Variants in KCNQ5 observed in about 807,000 individuals in gnomAD.
KCNQ5 encodes the protein potassium voltage-gated channel subfamily Q member 5, also known as potassium voltage-gated channel subfamily KQT member 5.
KCNQ5 carries 30 observed loss-of-function variants against 98.2 expected under a neutral mutation model. The ratio of observed to expected loss-of-function variants is 0.31; its 90% CI spans 0.23 to 0.41. The LOEUF (loss-of-function observed/expected upper bound fraction) is 0.41. KCNQ5 is among the 10% of genes least tolerant of loss of function. The pLI, the probability that KCNQ5 is intolerant of heterozygous loss-of-function variation, is 1.00. For missense variants in KCNQ5, 835 were observed against 1,182.5 expected, an observed-to-expected ratio of 0.71 and a Z score of 4.31; for synonymous variants, 458 against 449.4, an observed-to-expected ratio of 1.02 and a Z score of -0.24.
intron 2 of KCNQ5, among the ~76,000 whole-genome samples, chr6:73,009,338 A>T (rs1393430620): frequency 6.6e-6 from 1 of 152,156 alleles, no homozygotes; most frequent in Non-Finnish European, 1.5e-5. Context: ...AATAAGTCTT[A>T]GAAATTAATG....
intron 1 of KCNQ5, among the ~76,000 whole-genome samples, chr6:72,980,639 T>A (rs1768393151): frequency 6.6e-6 from 1 of 152,218 alleles, no homozygotes; most frequent in Admixed American, 6.5e-5. Context: ...TTTGACTTCC[T>A]CTTTTCCTAA....
intron 1 of KCNQ5, among the ~76,000 whole-genome samples, chr6:72,814,067 G>T (rs533682314): frequency 6.6e-6 from 1 of 152,188 alleles, no homozygotes; most frequent in Non-Finnish European, 1.5e-5. Context: ...GGGCAAGCAG[G>T]ACTTCTATGA....
intron 11 of KCNQ5, among the ~76,000 whole-genome samples, chr6:73,175,743 G>C (rs944502166): frequency 2.0e-5 from 3 of 152,190 alleles, no homozygotes; most frequent in Non-Finnish European, 2.9e-5. Flanking sequence ...AAAAAAGATG[G>C]ATCCCTGCTT....
At chr6:72,787,867 C>G (rs1023023128) in intron 1 of KCNQ5, among the ~76,000 whole-genome samples, 1 of 152,248 alleles carries the variant, frequency 6.6e-6, no homozygotes, top group Non-Finnish European at 1.5e-5. Flanking sequence ...GAGGGCCAAT[C>G]TGTCTCTCTA....
intron 2 of KCNQ5, among the ~76,000 whole-genome samples, chr6:73,038,393 A>G (rs1562141534): frequency 6.6e-6 from 1 of 152,018 alleles, no homozygotes; most frequent in Non-Finnish European, 1.5e-5. Context: ...AACTATTAAT[A>G]TAACTTACAA....
At chr6:72,791,902 C>T (rs1429142584) in intron 1 of KCNQ5, among the ~76,000 whole-genome samples, 1 of 152,194 alleles carries the variant, frequency 6.6e-6, no homozygotes, top group African/African-American at 2.4e-5. Flanking sequence ...GCCCCTATGA[C>T]TTAATCAACT....
chr6:73,028,282 T>C (rs534266395), intron 2 of KCNQ5, among the ~76,000 whole-genome samples: 1 of 152,246 alleles, frequency 6.6e-6, no homozygotes, highest in South Asian at 2.1e-4. Flanking sequence ...AGGCTACCTG[T>C]AGGGAGGTGT....
chr6:72,715,780 C>G (rs1353134201), intron 1 of KCNQ5, among the ~76,000 whole-genome samples: 1 of 152,054 alleles, frequency 6.6e-6, no homozygotes, highest in Non-Finnish European at 1.5e-5. Context: ...CTATGAAATT[C>G]TAATGATATT....
intron 1 of KCNQ5, among the ~76,000 whole-genome samples, chr6:72,949,988 T>C (rs1435257596): frequency 6.6e-6 from 1 of 152,184 alleles, no homozygotes; most frequent in Non-Finnish European, 1.5e-5. Context: ...AATCTTTTTA[T>C]TCAAAACTCT....
intron 11 of KCNQ5, among the ~76,000 whole-genome samples, chr6:73,177,143 A>C (rs1178201673): frequency 6.6e-6 from 1 of 152,072 alleles, no homozygotes; most frequent in Non-Finnish European, 1.5e-5. Flanking sequence ...AAGAAGATAA[A>C]GAGTGAGAAG....
intron 6 of KCNQ5, among the ~76,000 whole-genome samples, chr6:73,109,763 A>G (rs1485485952): frequency 1.1e-4 from 17 of 152,220 alleles, no homozygotes; most frequent in Admixed American, 1.1e-3. Flanking sequence ...ACAGTCACTG[A>G]AAAGGAGAGA....
chr6:72,775,603 A>G (rs1363406477), intron 1 of KCNQ5, among the ~76,000 whole-genome samples: 1 of 152,082 alleles, frequency 6.6e-6, no homozygotes, highest in Non-Finnish European at 1.5e-5. Flanking sequence ...ACAGTGGAGA[A>G]GGCTGGCAAA....
At chr6:73,026,531 C>G (rs73535910) in intron 2 of KCNQ5, among the ~76,000 whole-genome samples, 1 of 152,088 alleles carries the variant, frequency 6.6e-6, no homozygotes, top group South Asian at 2.1e-4. Context: ...CACCTTCATC[C>G]TCTTTTATCA....
chr6:72,922,814 T>TTCTTTTTC (rs1402505317), intron 1 of KCNQ5, among the ~76,000 whole-genome samples: 2 of 133,514 alleles, frequency 1.5e-5, no homozygotes, highest in African/African-American at 5.7e-5. Context: ...CTTTTTCTTT[T>TTCTTTTTC]TTTTTTTTTT....
intron 1 of KCNQ5, among the ~76,000 whole-genome samples, chr6:72,868,942 T>A (rs1362561080): frequency 6.6e-6 from 1 of 152,124 alleles, no homozygotes; most frequent in Non-Finnish European, 1.5e-5. Context: ...AACAGAACAA[T>A]AATTTACTGT....
intron 1 of KCNQ5, among the ~76,000 whole-genome samples, chr6:72,702,059 A>G (rs1768839903): frequency 6.6e-6 from 1 of 152,104 alleles, no homozygotes; most frequent in Admixed American, 6.6e-5. Context: ...TTACATCTTC[A>G]TACATCATTA....
chr6:72,725,133 A>T (rs548087833), intron 1 of KCNQ5, among the ~76,000 whole-genome samples: 1 of 152,148 alleles, frequency 6.6e-6, no homozygotes, highest in South Asian at 2.1e-4. Context: ...TGGTTTCTAT[A>T]AAAAAAATCT....
At chr6:72,802,283 T>A (rs1275389131) in intron 1 of KCNQ5, among the ~76,000 whole-genome samples, 2 of 152,136 alleles carry the variant, frequency 1.3e-5, no homozygotes, top group African/African-American at 4.8e-5. Flanking sequence ...GTAGATTTGG[T>A]CTTTTCACAT....
intron 1 of KCNQ5, among the ~76,000 whole-genome samples, chr6:72,827,437 G>C (rs1776055075): frequency 6.6e-6 from 1 of 152,144 alleles, no homozygotes; most frequent in South Asian, 2.1e-4. Context: ...GGGGTAAGAA[G>C]ATACCACATT....
Sources: gnomAD v4.1 joint callset for allele counts (sites outside exome capture counted in the v4.1 genomes callset) on GRCh38, gnomAD v4.1.1 for gene constraint, MANE v1.5 for transcripts, NCBI Gene and HGNC (gene_info 2026-07-23, HGNC 2026-07-21) for gene names.